Variants in VPS35L observed in about 807,000 individuals in gnomAD.
The protein encoded by VPS35L is VPS35 endosomal protein-sorting factor-like.
A neutral mutation model predicts 133.0 loss-of-function variants in VPS35L; 83 were observed. The observed-to-expected ratio is 0.62, with a 90% CI of 0.52 to 0.75. The LOEUF (loss-of-function observed/expected upper bound fraction) is 0.75, where lower values mean the gene tolerates loss of function less well. Ranked by LOEUF, VPS35L falls within the 30% of genes least tolerant of loss-of-function variation. The pLI is 0.00. For synonymous variants in VPS35L, 423 were observed against 449.9 expected (o/e 0.94, Z 0.76); for missense variants, 1,083 against 1,206.8 (o/e 0.90, Z 1.52).
intron 26 of VPS35L, among the ~76,000 whole-genome samples, chr16:19,661,277 T>C (rs1974479029): frequency 6.6e-6 from 1 of 152,154 alleles, no homozygotes; most frequent in Non-Finnish European, 1.5e-5. Context: ...CCTCTATTTT[T>C]TTTCCTCCGA....
intron 8 of VPS35L, 83 bp from the exon 9 acceptor site, chr16:19,601,581 C>CT (rs1168297539): frequency 3.6e-6 from 5 of 1,387,846 alleles, no homozygotes; most frequent in Non-Finnish European, 5.1e-6. Context: ...GATGATAGCT[C>CT]TGGGTCCCTA....
intron 12 of VPS35L, among the ~76,000 whole-genome samples, chr16:19,611,982 C>T (rs750583224): frequency 1.5e-4 from 23 of 151,444 alleles, no homozygotes; most frequent in Middle Eastern, 3.4e-3. Flanking sequence ...CTCTGTCGCC[C>T]GGCTGGAGTG....
chr16:19,614,411 C>T (rs901417545), intron 12 of VPS35L, among the ~76,000 whole-genome samples: 1 of 152,176 alleles, frequency 6.6e-6, no homozygotes, highest in African/African-American at 2.4e-5. Flanking sequence ...GGAGAAATCT[C>T]TCCCCATTTG....
At chr16:19,565,036 G>A (rs543658561) in intron 2 of VPS35L, 86 bp downstream of exon 2, 5 of 1,057,944 alleles carry the variant, frequency 4.7e-6, no homozygotes, top group Middle Eastern at 2.2e-4. Context: ...CGTTTTGCCA[G>A]TGGTAGCCAC....
At chr16:19,690,457 A>G (rs1045196745) in intron 28 of VPS35L, among the ~76,000 whole-genome samples, 4 of 152,236 alleles carry the variant, frequency 2.6e-5, no homozygotes, top group Middle Eastern at 3.2e-3. Context: ...GGCAAGAGAC[A>G]TTATCAAAGG....
At chr16:19,626,140 C>G in intron 14 of VPS35L, 37 bp from the exon 15 acceptor site, 1 of 1,429,906 alleles carries the variant, frequency 7.0e-7, no homozygotes, top group Non-Finnish European at 9.5e-7. Context: ...GCTCCTCCAA[C>G]CTGATTTTTT....
Position 19,620,389 on chromosome 16 carries a change from G to A in VPS35L, c.1224+3581G>A, listed in dbSNP as rs538987497. On this transcript the variant is annotated intron_variant, in intron 14 of 30. Transcript: ENST00000417362. ...TTGGTGAAATTGTCTAGTTAGTTGTGTTATACTAGTGTCAGTTTCCTAGCT... is the reference window on the plus strand; with the variant it reads ...TTGGTGAAATTGTCTAGTTAGTTGTATTATACTAGTGTCAGTTTCCTAGCT... Among the ~76,000 whole-genome samples the A allele has an allele frequency of 6.6e-5, 10 of 152,238 alleles. No individual in the cohort carries two copies. In the East Asian group the frequency reaches 1.9e-3, roughly 29 times the overall value.
chr16:19,650,593 T>TA, intron 25 of VPS35L, 134 bp downstream of exon 25: 1 of 714,674 alleles, frequency 1.4e-6, no homozygotes, highest in Non-Finnish European at 2.3e-6. Flanking sequence ...TTTTTCAGAT[T>TA]AATTTTTCCC....
intron 14 of VPS35L, among the ~76,000 whole-genome samples, chr16:19,619,222 C>T (rs989138662): frequency 1.2e-4 from 18 of 152,214 alleles, no homozygotes; most frequent in South Asian, 8.3e-4. Context: ...CAAGAGCCAC[C>T]GTGCCCAGCC....
intron 19 of VPS35L, among the ~76,000 whole-genome samples, chr16:19,636,798 G>A (rs1973634817): frequency 6.6e-6 from 1 of 152,156 alleles, no homozygotes; most frequent in Non-Finnish European, 1.5e-5. Context: ...GGCTCTCCTG[G>A]ACCAAGGCCC....
intron 14 of VPS35L, among the ~76,000 whole-genome samples, chr16:19,618,793 G>A (rs966107805): frequency 7.9e-5 from 12 of 152,238 alleles, no homozygotes; most frequent in East Asian, 1.9e-4. Context: ...TTAGTGTAGC[G>A]CCCCACATCT....
intron 29 of VPS35L, among the ~76,000 whole-genome samples, chr16:19,698,010 T>C (rs1328969271): frequency 6.6e-6 from 1 of 152,220 alleles, no homozygotes; most frequent in African/African-American, 2.4e-5. Flanking sequence ...TGCCACAAAC[T>C]TGGCATCTTA....
At chr16:19,588,216 C>G (rs1971935157) in intron 7 of VPS35L, among the ~76,000 whole-genome samples, 1 of 149,294 alleles carries the variant, frequency 6.7e-6, no homozygotes, top group Non-Finnish European at 1.5e-5. Context: ...GAGTCTTGCT[C>G]TGTTGTCCAG....
chr16:19,659,926 G>A (rs1228497957), intron 26 of VPS35L, among the ~76,000 whole-genome samples: 2 of 152,218 alleles, frequency 1.3e-5, no homozygotes, highest in South Asian at 2.1e-4. Context: ...AATGGGGTTT[G>A]TATACCTTGA....
chr16:19,669,391 T>G, intron 27 of VPS35L, 92 bp downstream of exon 27: 3 of 1,393,248 alleles, frequency 2.2e-6, no homozygotes, highest in Non-Finnish European at 2.9e-6. Flanking sequence ...TGCAGGAACA[T>G]TCTATCTAGT....
At chr16:19,647,138 A>G (rs1209142281) in intron 23 of VPS35L, among the ~76,000 whole-genome samples, 1 of 152,210 alleles carries the variant, frequency 6.6e-6, no homozygotes, top group Non-Finnish European at 1.5e-5. Flanking sequence ...GGAAACAGAC[A>G]TATGGATTTT....
At chr16:19,583,402 T>C (rs929015220) in intron 7 of VPS35L, among the ~76,000 whole-genome samples, 1 of 152,184 alleles carries the variant, frequency 6.6e-6, no homozygotes, top group African/African-American at 2.4e-5. Context: ...TTTTAATTGA[T>C]AGATAATAAT....
chr16:19,657,502 A>G (rs1318570278), intron 26 of VPS35L, among the ~76,000 whole-genome samples: 1 of 152,082 alleles, frequency 6.6e-6, no homozygotes, highest in African/African-American at 2.4e-5. Context: ...CTTTTTCTCC[A>G]TTATGCTTAT....
chr16:19,642,488 T>C lies in VPS35L; in HGVS notation c.1865+12T>C. 1 of 1,605,780 alleles carries C rather than the reference T, an allele frequency of 6.2e-7. No individual in the cohort carries two copies. Among genetic ancestry groups the C allele is most frequent in the Non-Finnish European group, 8.5e-7 (1 of 1,173,592 alleles). ...CATGACTCTGTGAAGTAAGCCATGCTTACAGCTGAAATATAACATGGATTG... is the reference window on the plus strand; with the variant it reads ...CATGACTCTGTGAAGTAAGCCATGCCTACAGCTGAAATATAACATGGATTG... On this transcript the variant is annotated intron_variant, in intron 22 of 30. Transcript: ENST00000417362.
Sources: gnomAD v4.1 joint callset for allele counts (sites outside exome capture counted in the v4.1 genomes callset) on GRCh38, gnomAD v4.1.1 for gene constraint, MANE v1.5 for transcripts, NCBI Gene and HGNC (gene_info 2026-07-23, HGNC 2026-07-21) for gene names.